MAPKAP1: variants seen among roughly 807,000 people sequenced by gnomAD.
The protein encoded by MAPKAP1 is target of rapamycin complex 2 subunit MAPKAP1.
Under a neutral mutation model 65.7 loss-of-function variants are expected in MAPKAP1, and 20 were observed. The ratio of observed to expected loss-of-function variants is 0.30; its 90% CI spans 0.21 to 0.44. The LOEUF (loss-of-function observed/expected upper bound fraction) is 0.44, where lower values mean the gene tolerates loss of function less well. Among genes scored for constraint, MAPKAP1 ranks in the 20% least tolerant of loss-of-function variants. The pLI is 1.00. For synonymous variants in MAPKAP1, 222 were observed against 244.3 expected, an observed-to-expected ratio of 0.91 and a Z score of 0.85; for missense variants, 423 against 648.0, an observed-to-expected ratio of 0.65 and a Z score of 3.77.
chr9:125,484,421 C>T, intron 9 of MAPKAP1, 22 bp downstream of exon 9: 1 of 1,593,826 alleles, frequency 6.3e-7, no homozygotes, highest in Non-Finnish European at 8.6e-7. Flanking sequence ...CAAGCTAGCT[C>T]ATCACCTGCT....
rs543933136 is a variant in MAPKAP1, at chr9:125,635,512, C to T, written c.498+22139G>A. Among the ~76,000 whole-genome samples the T allele has an allele frequency of 3.9e-5, 6 of 152,308 alleles. No homozygotes were observed. The East Asian group carries it at 7.7e-4, about 20-fold the overall frequency. On this transcript the variant is annotated intron_variant, in intron 4 of 11. Transcript: ENST00000265960. ...CACTGCTCTACTATTTGCTAAAATG[C>T]GCCCTACCTTTTGCCACAAGACCGT...
At chr9:125,649,498 T>A (rs1030224216) in intron 4 of MAPKAP1, among the ~76,000 whole-genome samples, 15 of 152,146 alleles carry the variant, frequency 9.9e-5, no homozygotes, top group Non-Finnish European at 1.5e-5. Flanking sequence ...TGAGTGCACA[T>A]CCCTGTCATC....
intron 6 of MAPKAP1, among the ~76,000 whole-genome samples, chr9:125,558,640 G>C (rs892578650): frequency 1.3e-5 from 2 of 152,078 alleles, no homozygotes; most frequent in South Asian, 2.1e-4. Context: ...GGTGCCAAAG[G>C]GATCGCTATT....
At chr9:125,675,231 A>G (rs1473754778) in intron 1 of MAPKAP1, among the ~76,000 whole-genome samples, 1 of 152,194 alleles carries the variant, frequency 6.6e-6, no homozygotes, top group Non-Finnish European at 1.5e-5. Flanking sequence ...CCTTGCAAAA[A>G]CAAGGGCTTT....
chr9:125,506,212 TGCCTAGGGAAACCAGACCAGTGA>T lies in MAPKAP1; in HGVS notation c.1066+75_1066+97del, dbSNP rs561971533. On this transcript the variant is annotated intron_variant, in intron 8 of 11. Coordinates refer to ENST00000265960, the MANE Select transcript of MAPKAP1 (RefSeq NM_001006617.3). ...CCTTGGAAAACAGTCACTTCAAATCTGCCTAGGGAAACCAGACCAGTGAGCGTTTCCAAACACATGACTTCTAA... is the reference window on the plus strand; with the variant it reads ...CCTTGGAAAACAGTCACTTCAAATCTGCGTTTCCAAACACATGACTTCTAA... 446 of 999,090 alleles carry T rather than the reference TGCCTAGGGAAACCAGACCAGTGA, an allele frequency of 4.5e-4. 4 individuals carry two copies. In the African/African-American group the frequency reaches 6.6e-3, roughly 15 times the overall value. The allele number at this position is 999,090 out of a possible 1,614,324, so 61.9% of individuals were successfully genotyped here.
chr9:125,466,264 T>C (rs779661511), intron 10 of MAPKAP1, among the ~76,000 whole-genome samples: 3 of 152,194 alleles, frequency 2.0e-5, no homozygotes, highest in South Asian at 2.1e-4. Flanking sequence ...ATGCCCAACC[T>C]TCCCCCACCA....
chr9:125,690,386 G>A (rs965930366), intron 1 of MAPKAP1, among the ~76,000 whole-genome samples: 11 of 152,242 alleles, frequency 7.2e-5, no homozygotes, highest in African/African-American at 1.9e-4. Flanking sequence ...AGGAAGCCAA[G>A]GGAATGGCAG....
chr9:125,445,507 C>T (rs549476737), intron 10 of MAPKAP1, among the ~76,000 whole-genome samples: 9 of 152,378 alleles, frequency 5.9e-5, no homozygotes, highest in East Asian at 3.9e-4. Context: ...CACTTCTAGG[C>T]GCACTTCTTG....
At chr9:125,572,708 A>G (rs1008711930) in intron 5 of MAPKAP1, among the ~76,000 whole-genome samples, 1 of 152,198 alleles carries the variant, frequency 6.6e-6, no homozygotes, top group Non-Finnish European at 1.5e-5. Flanking sequence ...TCAGCTAACA[A>G]TCCCATATCG....
intron 10 of MAPKAP1, among the ~76,000 whole-genome samples, chr9:125,464,972 A>G (rs931615916): frequency 6.6e-6 from 1 of 152,234 alleles, no homozygotes; most frequent in Non-Finnish European, 1.5e-5. Context: ...AATTCTGACA[A>G]ACATGTCTCA....
intron 2 of MAPKAP1, 58 bp downstream of exon 2, chr9:125,672,258 C>T: frequency 6.3e-7 from 1 of 1,580,616 alleles, no homozygotes; most frequent in South Asian, 1.1e-5. Flanking sequence ...ATGCATTATT[C>T]CATAAGACTG....
At chr9:125,464,974 C>T (rs1481887824) in intron 10 of MAPKAP1, among the ~76,000 whole-genome samples, 2 of 152,156 alleles carry the variant, frequency 1.3e-5, no homozygotes, top group African/African-American at 2.4e-5. Context: ...TTCTGACAAA[C>T]ATGTCTCAAC....
chr9:125,656,046 T>A (rs138678145), intron 4 of MAPKAP1, among the ~76,000 whole-genome samples: 186 of 152,342 alleles, frequency 1.2e-3, no homozygotes, highest in African/African-American at 4.2e-3. Context: ...TAAAGAGAAT[T>A]ATAGAGTATT....
chr9:125,529,039 T>C (rs1308333041), intron 7 of MAPKAP1, among the ~76,000 whole-genome samples: 1 of 150,994 alleles, frequency 6.6e-6, no homozygotes, highest in East Asian at 1.9e-4. Context: ...CCGGGCGTGG[T>C]GGTGTGCACC....
chr9:125,523,278 G>A (rs555009713), intron 7 of MAPKAP1, among the ~76,000 whole-genome samples: 3 of 152,146 alleles, frequency 2.0e-5, no homozygotes, highest in Non-Finnish European at 4.4e-5. Context: ...CTCTGATACT[G>A]CCTGCCCGCC....
At chr9:125,503,036 T>C (rs1487085982) in intron 8 of MAPKAP1, among the ~76,000 whole-genome samples, 1 of 152,204 alleles carries the variant, frequency 6.6e-6, no homozygotes, top group African/African-American at 2.4e-5. Context: ...TAAAAACGTA[T>C]TCTGCCTCAT....
intron 2 of MAPKAP1, 40 bp from the exon 3 acceptor site, chr9:125,669,947 A>G: frequency 8.3e-7 from 1 of 1,211,630 alleles, no homozygotes; most frequent in Non-Finnish European, 1.2e-6. Flanking sequence ...TGTCAATGAA[A>G]GTTTACCATA....
At chr9:125,515,966 G>A (rs1829449032) in intron 7 of MAPKAP1, among the ~76,000 whole-genome samples, 1 of 152,104 alleles carries the variant, frequency 6.6e-6, no homozygotes, top group South Asian at 2.1e-4. Flanking sequence ...ATTTAATTTG[G>A]CGAATGATGA....
chr9:125,651,935 C>A (rs1287074628), intron 4 of MAPKAP1, among the ~76,000 whole-genome samples: 1 of 152,192 alleles, frequency 6.6e-6, no homozygotes, highest in Non-Finnish European at 1.5e-5. Context: ...TCTAGAAACA[C>A]AGCCAACACT....
Sources: gnomAD v4.1 joint callset for allele counts (sites outside exome capture counted in the v4.1 genomes callset) on GRCh38, gnomAD v4.1.1 for gene constraint, MANE v1.5 for transcripts, NCBI Gene and HGNC (gene_info 2026-07-23, HGNC 2026-07-21) for gene names.